BAG4: variants seen among roughly 807,000 people sequenced by gnomAD.
BAG4 encodes the protein BAG cochaperone 4, also known as BAG family molecular chaperone regulator 4.
In BAG4, 28 loss-of-function variants were observed where a neutral mutation model predicts 52.1. That is an observed-to-expected ratio of 0.54 (90% CI 0.40 to 0.74). The LOEUF is 0.74. BAG4 is among the 30% of genes least tolerant of loss of function. The probability of loss-of-function intolerance (pLI) is 0.00; values close to 1 mark genes in which losing one functional copy is unlikely to be tolerated. For missense variants in BAG4, 525 were observed against 572.0 expected, an observed-to-expected ratio of 0.92 and a Z score of 0.84; for synonymous variants, 208 against 217.0, an observed-to-expected ratio of 0.96 and a Z score of 0.37.
At chr8:38,198,308 C>T (rs371959824) in intron 2 of BAG4, among the ~76,000 whole-genome samples, 9 of 146,772 alleles carry the variant, frequency 6.1e-5, no homozygotes, top group East Asian at 4.3e-4. Flanking sequence ...GGTGTGAATC[C>T]GGGAGGCGGA....
rs753518717 is a variant in BAG4 at position 38,210,082 on chromosome 8, C to T, written c.963C>T (p.Tyr321=). 24 of 1,614,010 alleles carry T rather than the reference C, an allele frequency of 1.5e-5. No individual in the cohort carries two copies. The highest frequency in any genetic ancestry group is 3.3e-5 in the Admixed American group (2 of 59,982). The change falls in exon 5 of 5, where the codon TAC becomes TAT. Residue 321 remains tyrosine (Y), a synonymous_variant. Coordinates refer to ENST00000287322, the MANE Select transcript of BAG4 (RefSeq NM_004874.4). ...RHNFPCSVHQ[Y]ESSGTVNNDD... ...ACTTTCCTTGCAGTGTCCATCAGTA[C>T]GAATCCTCGGGGACAGTGAACAATG...
Position 38,192,738 on chromosome 8 carries a change from G to A in BAG4, c.321G>A (p.Ala107=), listed in dbSNP as rs1340334398. ...ATTCTAACTATTGGAATTCTACTGC[G>A]AGATCTAGGGCTCCTTACCCAAGTA... The part of the protein sequence containing the change: ...SYNSNYWNST[A]RSRAPYPSTY... Residue 107 remains alanine (A), a synonymous_variant, in exon 2 of 5, where the codon GCG becomes GCA. Transcript: ENST00000287322. The A allele has an allele frequency of 3.7e-6, 6 of 1,613,618 alleles. No homozygotes were observed. The highest frequency in any genetic ancestry group is 3.3e-5 in the South Asian group (3 of 90,970).
intron 2 of BAG4, among the ~76,000 whole-genome samples, chr8:38,206,731 G>A (rs1803774004): frequency 6.6e-6 from 1 of 152,102 alleles, no homozygotes; most frequent in African/African-American, 2.4e-5. Flanking sequence ...TAAATACAAA[G>A]CCTATGGCAG....
intron 1 of BAG4, among the ~76,000 whole-genome samples, chr8:38,178,426 A>T (rs1476436916): frequency 6.6e-6 from 1 of 152,188 alleles, no homozygotes; most frequent in Admixed American, 6.5e-5. Context: ...GGCCTCCCGA[A>T]GTGTTGGGAT....
At chr8:38,185,894 A>G (rs1023523870) in intron 1 of BAG4, among the ~76,000 whole-genome samples, 11 of 152,200 alleles carry the variant, frequency 7.2e-5, no homozygotes, top group Non-Finnish European at 1.2e-4. Flanking sequence ...AAAATCTACA[A>G]AAGTCAGTAA....
At chr8:38,177,990 T>C (rs1803194177) in intron 1 of BAG4, among the ~76,000 whole-genome samples, 1 of 152,094 alleles carries the variant, frequency 6.6e-6, no homozygotes, top group Non-Finnish European at 1.5e-5. Context: ...GAAAATAGTT[T>C]GGTAGTTCCT....
At position 38,210,256 on chromosome 8, in the gene BAG4, T is replaced by G; in HGVS notation, c.1137T>G (p.Ser379Arg). ...CTTCAGATGAAAGTACTCCTCCGAGTATTAAAAAAATCATACATGTGCTGG... is the reference window on the plus strand; with the variant it reads ...CTTCAGATGAAAGTACTCCTCCGAGGATTAAAAAAATCATACATGTGCTGG... ...CVPSDESTPPSIKKIIHVLEK... is the reference protein window; with the variant it reads ...CVPSDESTPPRIKKIIHVLEK... The change falls in exon 5 of 5, where the codon AGT becomes AGG. Residue 379 changes from serine to arginine, a missense_variant. Physicochemically the swap from Ser to Arg is moderately radical, Grantham distance 110 (BLOSUM62 -1). This residue lies in a region of BAG4 where 238 missense variants were observed against 305.8 expected (regional missense o/e 0.78). Transcript: ENST00000287322. 6.2e-7 allele frequency: 1 copy of G among 1,614,038 alleles called. No individual in the cohort carries two copies. The highest frequency in any genetic ancestry group is 8.5e-7 in the Non-Finnish European group (1 of 1,180,018).
At chr8:38,180,245 G>A (rs1466148198) in intron 1 of BAG4, among the ~76,000 whole-genome samples, 3 of 152,014 alleles carry the variant, frequency 2.0e-5, no homozygotes, top group South Asian at 2.1e-4. Context: ...TATGTTGGCC[G>A]GGCGTGGTGG....
rs919898045 is a variant in BAG4, at chr8:38,213,122, A to C, written c.*2629A>C. ...AATATATGAACTTAAGAAGGAAAAT[A>C]GTATTTATGATTTGTAGAATTGGTT... On this transcript the variant is annotated 3_prime_UTR_variant, in exon 5 of 5. Transcript: ENST00000287322. 9.2e-5 allele frequency: 14 copies of C among 152,236 alleles called. No homozygotes were observed. Among genetic ancestry groups the C allele is most frequent in the Admixed American group, 6.5e-5 (1 of 15,280 alleles). The allele number at this position is 152,236 out of a possible 1,614,324, so 9.4% of individuals were successfully genotyped here.
chr8:38,179,382 C>T (rs1027142848), intron 1 of BAG4, among the ~76,000 whole-genome samples: 4 of 151,290 alleles, frequency 2.6e-5, no homozygotes, highest in African/African-American at 7.3e-5. Flanking sequence ...GTCTTGAACT[C>T]CTGATCTCAG....
At position 38,177,058 on chromosome 8, in the gene BAG4, G is replaced by A. The variant is rs564834700; in HGVS notation, c.189G>A (p.Leu63=). The A allele has an allele frequency of 1.9e-6, 3 of 1,610,518 alleles. 1 individual carries two copies. In the South Asian group the frequency reaches 3.3e-5, roughly 18 times the overall value. ...GCGGCCCGGCGGAGACCACCTGGCT[G>A]GGAGAAGGCGGAGGAGGCGATGGCT... ...RGGGPAETTW[L]GEGGGGDGYY... Residue 63 remains leucine (L), a synonymous_variant, in exon 1 of 5, where the codon CTG becomes CTA. Coordinates refer to ENST00000287322, the MANE Select transcript of BAG4 (RefSeq NM_004874.4).
In BAG4 at chr8:38,212,363, A is replaced by T. The variant is rs1039560695; in HGVS notation, c.*1870A>T. ...TGCACATACATGTTTGTTTTCTAACAGTTATTTTTTAAGCTTTTGAGATAA... is the reference window on the plus strand; with the variant it reads ...TGCACATACATGTTTGTTTTCTAACTGTTATTTTTTAAGCTTTTGAGATAA... On this transcript the variant is annotated 3_prime_UTR_variant, in exon 5 of 5. Coordinates refer to ENST00000287322, the MANE Select transcript of BAG4 (RefSeq NM_004874.4). 1.3e-5 allele frequency: 2 copies of T among 152,162 alleles called. No homozygotes were observed. The highest frequency in any genetic ancestry group is 4.8e-5 in the African/African-American group (2 of 41,446). The allele number at this position is 152,162 out of a possible 1,614,324, so 9.4% of individuals were successfully genotyped here.
chr8:38,209,543 T>G (rs1374185774), intron 4 of BAG4: 1 of 467,622 alleles, frequency 2.1e-6, no homozygotes, highest in African/African-American at 2.0e-5. Flanking sequence ...AATGCAAAGA[T>G]GCATTTTACT....
chr8:38,208,119 A>G (rs544547869), intron 3 of BAG4, among the ~76,000 whole-genome samples: 87 of 151,380 alleles, frequency 5.7e-4, no homozygotes, highest in Middle Eastern at 3.4e-3. Flanking sequence ...TGGGATTACA[A>G]GCACGCGCCA....
At position 38,177,015 on chromosome 8, in the gene BAG4, C is replaced by T. The variant is rs761628692; in HGVS notation, c.146C>T (p.Ser49Phe). 6 of 1,603,546 alleles carry T rather than the reference C, an allele frequency of 3.7e-6. No individual in the cohort carries two copies. The part of the protein sequence containing the change: ...LRPEPPQPPI[S>F]WRVRGGGPAE... ...CCTGAACCTCCCCAGCCTCCCATTT[C>T]CTGGCGGGTGCGCGGGGGCGGCCCG... is the stretch of plus-strand genomic sequence containing the variant. The change falls in exon 1 of 5, where the codon TCC (serine) becomes TTC (phenylalanine). Residue 49 changes from serine (S) to phenylalanine (F), a missense_variant. Around this residue, in one of 2 missense-constraint regions of BAG4, gnomAD observed 287 missense variants for 266.1 expected, o/e 1.08. Coordinates refer to ENST00000287322, the MANE Select transcript of BAG4 (RefSeq NM_004874.4).
Position 38,177,089 on chromosome 8 carries a change from C to T in BAG4, c.220C>T (p.Pro74Ser), listed in dbSNP as rs1585646855. 1 of 1,612,618 alleles carries T rather than the reference C, an allele frequency of 6.2e-7. No individual in the cohort carries two copies. The highest frequency in any genetic ancestry group is 2.2e-5 in the East Asian group (1 of 44,872). The change falls in exon 1 of 5, where the codon CCC (proline) becomes TCC (serine). Residue 74 changes from proline (P) to serine (S), a missense_variant. Physicochemically the swap from Pro to Ser is moderately conservative, Grantham distance 74. Transcript: ENST00000287322. ...AGGCGGAGGAGGCGATGGCTACTATCCCTCGGGAGGCGCCTGGCCAGAGCC... is the reference window on the plus strand; with the variant it reads ...AGGCGGAGGAGGCGATGGCTACTATTCCTCGGGAGGCGCCTGGCCAGAGCC... ...GEGGGGDGYY[P>S]SGGAWPEPGR...
Position 38,210,528 on chromosome 8 carries a change from C to T in BAG4, c.*35C>T. On this transcript the variant is annotated 3_prime_UTR_variant, in exon 5 of 5. Transcript: ENST00000287322. ...GAACAAAGTGGAAGCCTGTTACTAA[C>T]TTGACCAAAGAACACTTGATTTGGT... The T allele has an allele frequency of 6.5e-7, 1 of 1,528,788 alleles. No homozygotes were observed. Among genetic ancestry groups the T allele is most frequent in the South Asian group, 1.3e-5 (1 of 75,436 alleles). The allele number at this position is 1,528,788 out of a possible 1,614,324, so 94.7% of individuals were successfully genotyped here. A position where few individuals can be genotyped will look rare whatever the true frequency, so the allele number is the denominator to read the frequency against.
At chr8:38,204,255 C>G (rs1466776006) in intron 2 of BAG4, 1 of 152,340 alleles carries the variant, frequency 6.6e-6, no homozygotes, top group Non-Finnish European at 1.5e-5. Context: ...TGTGGTGGCT[C>G]ACACCTGTAA....
At chr8:38,200,045 G>A (rs542424332) in intron 2 of BAG4, among the ~76,000 whole-genome samples, 19 of 148,036 alleles carry the variant, frequency 1.3e-4, no homozygotes, top group Non-Finnish European at 2.1e-4. Context: ...TTGTTCTGTC[G>A]CCCAGGATGG....
Sources: gnomAD v4.1 joint callset for allele counts (sites outside exome capture counted in the v4.1 genomes callset) on GRCh38, gnomAD v4.1.1 for gene constraint, gnomAD v4.1.1 regional missense constraint, MANE v1.5 for transcripts, NCBI Gene and HGNC (gene_info 2026-07-23, HGNC 2026-07-21) for gene names.